MDGA2: variants seen among roughly 807,000 people sequenced by gnomAD.
The protein encoded by MDGA2 is MAM domain containing glycosylphosphatidylinositol anchor 2, also known as MAM domain-containing glycosylphosphatidylinositol anchor protein 2.
A neutral mutation model predicts 117.8 loss-of-function variants in MDGA2; 40 were observed. The ratio of observed to expected loss-of-function variants is 0.34; its 90% CI spans 0.26 to 0.44. The LOEUF is 0.44. Ranked by LOEUF, MDGA2 falls within the 20% of genes least tolerant of loss-of-function variation. The pLI is 1.00. For synonymous variants in MDGA2, 452 were observed against 439.0 expected, an observed-to-expected ratio of 1.03 and a Z score of -0.37; for missense variants, 1,123 against 1,250.6, an observed-to-expected ratio of 0.90 and a Z score of 1.54.
intron 1 of MDGA2, among the ~76,000 whole-genome samples, chr14:47,534,835 AT>A (rs1222056944): frequency 6.6e-6 from 1 of 152,204 alleles, no homozygotes; most frequent in South Asian, 2.1e-4. Context: ...AGTGAAACAT[AT>A]AATGGAAAAC....
intron 1 of MDGA2, among the ~76,000 whole-genome samples, chr14:47,418,651 T>C (rs1278652024): frequency 6.6e-6 from 1 of 152,222 alleles, no homozygotes; most frequent in African/African-American, 2.4e-5. Flanking sequence ...CATATAAATT[T>C]TGGGGGGACT....
rs573786072 is a variant in MDGA2, at chr14:47,070,464, C to T, written c.1196-8886G>A. Among the ~76,000 whole-genome samples, 7 of 152,288 alleles carry T rather than the reference C, an allele frequency of 4.6e-5. No individual in the cohort carries two copies. In the South Asian group the frequency reaches 1.5e-3, roughly 32 times the overall value. On this transcript the variant is annotated intron_variant, in intron 6 of 16. Transcript: ENST00000399232. ...CATCTTTGAAGTTCCTGAGACATTG[C>T]CCCTATCTCCCATTCTCTGTAGAGG... is the stretch of plus-strand genomic sequence containing the variant.
At chr14:47,273,815 T>A (rs1394147258) in intron 2 of MDGA2, among the ~76,000 whole-genome samples, 2 of 152,142 alleles carry the variant, frequency 1.3e-5, no homozygotes, top group Non-Finnish European at 2.9e-5. Flanking sequence ...TGAAGACCTA[T>A]GCCAGACCCT....
At chr14:47,130,034 T>G (rs1474729859) in intron 5 of MDGA2, among the ~76,000 whole-genome samples, 59 of 151,524 alleles carry the variant, frequency 3.9e-4, no homozygotes, top group African/African-American at 4.6e-4. Flanking sequence ...TTCTCCCATT[T>G]TGTAGGTTGC....
intron 1 of MDGA2, among the ~76,000 whole-genome samples, chr14:47,355,704 G>A (rs1291376275): frequency 2.6e-5 from 4 of 152,036 alleles, no homozygotes; most frequent in Admixed American, 1.3e-4. Context: ...AGAGAGGACG[G>A]CTGTCATCCC....
At chr14:47,210,870 G>T (rs1474017471) in intron 3 of MDGA2, among the ~76,000 whole-genome samples, 1 of 152,064 alleles carries the variant, frequency 6.6e-6, no homozygotes, top group Non-Finnish European at 1.5e-5. Context: ...TGTAGTCCTA[G>T]CTATTCAGGA....
chr14:47,554,717 C>T (rs541413683), intron 1 of MDGA2, among the ~76,000 whole-genome samples: 10 of 152,120 alleles, frequency 6.6e-5, no homozygotes, highest in South Asian at 4.1e-4. Context: ...TATTCTAATC[C>T]ACTACCTCTA....
chr14:47,169,856 C>G (rs1048284801), intron 3 of MDGA2, among the ~76,000 whole-genome samples: 3 of 151,848 alleles, frequency 2.0e-5, no homozygotes, highest in African/African-American at 7.3e-5. Context: ...TGATAATTTC[C>G]TCTAAAATAT....
intron 1 of MDGA2, among the ~76,000 whole-genome samples, chr14:47,560,225 G>A (rs565039414): frequency 5.9e-5 from 9 of 151,748 alleles, no homozygotes; most frequent in Non-Finnish European, 1.0e-4. Context: ...CCGCCACCAC[G>A]CCCGACTAAT....
At chr14:47,589,208 T>C (rs899621515) in intron 1 of MDGA2, among the ~76,000 whole-genome samples, 2 of 152,014 alleles carry the variant, frequency 1.3e-5, no homozygotes, top group African/African-American at 4.8e-5. Context: ...CTCTATTTTT[T>C]CTTTTGTCAC....
intron 7 of MDGA2, chr14:47,059,285 TG>T: frequency 8.0e-7 from 1 of 1,252,312 alleles, no homozygotes; most frequent in Non-Finnish European, 1.0e-6. Context: ...TTCCATTCTA[TG>T]GAGAAACCAC....
chr14:47,579,727 T>C (rs776292463), intron 1 of MDGA2, among the ~76,000 whole-genome samples: 1 of 152,076 alleles, frequency 6.6e-6, no homozygotes, highest in African/African-American at 2.4e-5. Flanking sequence ...ATAAAAATCA[T>C]GATACATCAA....
chr14:46,927,240 C>T (rs1003447236), intron 9 of MDGA2, among the ~76,000 whole-genome samples: 3 of 152,082 alleles, frequency 2.0e-5, no homozygotes, highest in East Asian at 1.9e-4. Flanking sequence ...ATATACTCAT[C>T]GCTGTTATCT....
In MDGA2 at chr14:47,660,783, C is replaced by T. The variant is rs150394223; in HGVS notation, c.280+13734G>A. The stretch of plus-strand genomic sequence containing the variant: ...TTATAAGCACATACCTACTATTTTA[C>T]ATGGAGGAATATAACTACTTCTGCA... On this transcript the variant is annotated intron_variant, in intron 1 of 16. Transcript: ENST00000399232. 5.7e-4 allele frequency among the ~76,000 whole-genome samples: 87 copies of T among 152,284 alleles called. 2 individuals carry two copies. The highest frequency in any genetic ancestry group is 2.0e-3 in the African/African-American group (85 of 41,542).
chr14:47,627,980 G>A (rs753586916), intron 1 of MDGA2, among the ~76,000 whole-genome samples: 9 of 152,150 alleles, frequency 5.9e-5, no homozygotes, highest in African/African-American at 9.7e-5. Context: ...GTGAGGGTCC[G>A]CGGCTTCATT....
At chr14:47,175,022 T>G (rs1238238641) in intron 3 of MDGA2, among the ~76,000 whole-genome samples, 7 of 151,906 alleles carry the variant, frequency 4.6e-5, no homozygotes, top group Non-Finnish European at 7.4e-5. Flanking sequence ...TACAAACACC[T>G]CTACGCAAAT....
At chr14:47,024,967 C>G (rs1366868087) in intron 8 of MDGA2, among the ~76,000 whole-genome samples, 1 of 152,054 alleles carries the variant, frequency 6.6e-6, no homozygotes, top group Non-Finnish European at 1.5e-5. Context: ...CCCTGCCAAA[C>G]CCAGACACAA....
intron 5 of MDGA2, among the ~76,000 whole-genome samples, chr14:47,098,161 TG>T (rs1264335104): frequency 1.1e-4 from 17 of 151,738 alleles, no homozygotes; most frequent in African/African-American, 3.9e-4. Flanking sequence ...AATTGTACTG[TG>T]TTTTTTTTAA....
intron 1 of MDGA2, among the ~76,000 whole-genome samples, chr14:47,359,529 A>G (rs893578644): frequency 2.0e-4 from 31 of 152,166 alleles, no homozygotes; most frequent in African/African-American, 6.8e-4. Context: ...GGGCACCAAT[A>G]ATGCACAATG....
Sources: gnomAD v4.1 joint callset for allele counts (sites outside exome capture counted in the v4.1 genomes callset) on GRCh38, gnomAD v4.1.1 for gene constraint, MANE v1.5 for transcripts, NCBI Gene and HGNC (gene_info 2026-07-23, HGNC 2026-07-21) for gene names.